CPNE4: variants seen among roughly 807,000 people sequenced by gnomAD.
The protein encoded by CPNE4 is copine 4, also known as copine-4.
Under a neutral mutation model 67.9 loss-of-function variants are expected in CPNE4, and 25 were observed. That is an observed-to-expected ratio of 0.37 (90% confidence interval 0.27 to 0.51). CPNE4 has a LOEUF of 0.51. Among genes scored for constraint, CPNE4 ranks in the 20% least tolerant of loss-of-function variants. The probability of loss-of-function intolerance (pLI) is 0.93; values close to 1 mark genes in which losing one functional copy is unlikely to be tolerated. For missense variants in CPNE4, 464 were observed against 690.8 expected (o/e 0.67, Z 3.68); for synonymous variants, 242 against 244.9 (o/e 0.99, Z 0.11).
intron 2 of CPNE4, among the ~76,000 whole-genome samples, chr3:131,806,502 A>T: frequency 6.9e-6 from 1 of 144,592 alleles, no homozygotes; most frequent in South Asian, 2.3e-4. Context: ...GTGAGCCGAG[A>T]TTGTGCCACT....
upstream of CPNE4, chr3:132,035,491 G>C (rs2074324486): frequency 6.6e-6 from 1 of 152,198 alleles, no homozygotes; most frequent in Admixed American, 6.5e-5. Flanking sequence ...AATGGACAAA[G>C]AGTATTTTCT....
chr3:131,887,361 CTCTT>C (rs1347781846), intron 2 of CPNE4, among the ~76,000 whole-genome samples: 2 of 152,156 alleles, frequency 1.3e-5, no homozygotes, highest in East Asian at 1.9e-4. Flanking sequence ...CCAATTAAAC[CTCTT>C]TCTTTTGTAA....
At chr3:131,766,171 G>T (rs1379798915) in intron 2 of CPNE4, among the ~76,000 whole-genome samples, 1 of 152,130 alleles carries the variant, frequency 6.6e-6, no homozygotes, top group East Asian at 1.9e-4. Context: ...TAGCTGTGTG[G>T]CTTTGGCCAA....
chr3:131,865,910 T>A (rs932474538), intron 2 of CPNE4, among the ~76,000 whole-genome samples: 1 of 152,180 alleles, frequency 6.6e-6, no homozygotes, highest in East Asian at 1.9e-4. Flanking sequence ...CCACTGACAC[T>A]TCTATGGGGA....
At chr3:131,995,571 C>A (rs926608902) in intron 1 of CPNE4, among the ~76,000 whole-genome samples, 1 of 152,190 alleles carries the variant, frequency 6.6e-6, no homozygotes, top group Non-Finnish European at 1.5e-5. Context: ...TGAAATGAGA[C>A]CACTCTGAAA....
At chr3:131,717,971 CT>C (rs2081776211) in intron 3 of CPNE4, among the ~76,000 whole-genome samples, 1 of 148,036 alleles carries the variant, frequency 6.8e-6, no homozygotes, top group Non-Finnish European at 1.5e-5. Flanking sequence ...TTCTTTCTCT[CT>C]CTCTGTCTCT....
intron 7 of CPNE4, among the ~76,000 whole-genome samples, chr3:131,591,226 T>C (rs973789012): frequency 2.6e-5 from 4 of 152,156 alleles, no homozygotes; most frequent in Non-Finnish European, 4.4e-5. Context: ...CTTTGCCTGA[T>C]AGTAAGTACA....
chr3:131,727,703 C>G (rs2082033599), intron 2 of CPNE4, among the ~76,000 whole-genome samples: 1 of 152,170 alleles, frequency 6.6e-6, no homozygotes, highest in Admixed American at 6.5e-5. Flanking sequence ...AGAGAGTGAG[C>G]ATATCCATGC....
chr3:131,588,978 A>G lies in CPNE4; in HGVS notation c.682-1396T>C, dbSNP rs572790337. On this transcript the variant is annotated intron_variant, in intron 7 of 15. Transcript: ENST00000429747. ...CTTAAAATCAAAATGTATATAGGCT[A>G]GCAGGTCTTCCAAGGTCTTTCATGA... 3.3e-5 allele frequency among the ~76,000 whole-genome samples: 5 copies of G among 152,318 alleles called. No homozygotes were observed. The South Asian group carries it at 1.0e-3, about 32-fold the overall frequency.
chr3:131,937,856 A>AT (rs1369467937), intron 1 of CPNE4, among the ~76,000 whole-genome samples: 1 of 152,160 alleles, frequency 6.6e-6, no homozygotes, highest in African/African-American at 2.4e-5. Context: ...AAGAAACGTA[A>AT]TATCATTTCT....
chr3:131,850,308 T>C (rs2086187537), intron 2 of CPNE4, among the ~76,000 whole-genome samples: 1 of 152,108 alleles, frequency 6.6e-6, no homozygotes, highest in African/African-American at 2.4e-5. Flanking sequence ...ATGATGTCTA[T>C]AGGAAATGAA....
At chr3:131,697,437 T>C (rs1422606918) in intron 4 of CPNE4, among the ~76,000 whole-genome samples, 2 of 152,248 alleles carry the variant, frequency 1.3e-5, no homozygotes, top group African/African-American at 4.8e-5. Context: ...TATATCAAGA[T>C]ACTGATAATT....
At chr3:131,632,207 A>G (rs1463533863) in intron 7 of CPNE4, among the ~76,000 whole-genome samples, 3 of 151,784 alleles carry the variant, frequency 2.0e-5, no homozygotes, top group Non-Finnish European at 4.4e-5. Context: ...TCGGGGTTTC[A>G]CCATGTTGGC....
Position 131,540,309 on chromosome 3 carries a change from C to T in CPNE4, c.1539+2248G>A, listed in dbSNP as rs761019914. Among the ~76,000 whole-genome samples, 140 of 152,304 alleles carry T rather than the reference C, an allele frequency of 9.2e-4. 1 individual carries two copies. The highest frequency in any genetic ancestry group is 2.2e-3 in the Admixed American group (33 of 15,300). The stretch of plus-strand genomic sequence containing the variant: ...GGCAGTACAGTTATGAACAATACCT[C>T]ATCATCCAAGGAGCCTTGGAATGTG... On this transcript the variant is annotated intron_variant, in intron 15 of 15. Transcript: ENST00000429747.
intron 7 of CPNE4, among the ~76,000 whole-genome samples, chr3:131,633,030 C>T (rs148553492): frequency 1.1e-4 from 16 of 152,182 alleles, no homozygotes; most frequent in African/African-American, 3.9e-4. Context: ...GGTCTTCTAC[C>T]CCAAACTTGA....
At chr3:131,815,671 T>C (rs1483081931) in intron 2 of CPNE4, among the ~76,000 whole-genome samples, 2 of 152,186 alleles carry the variant, frequency 1.3e-5, no homozygotes, top group African/African-American at 4.8e-5. Flanking sequence ...AAGGTGACTT[T>C]ATTCCAGAGA....
chr3:131,801,444 G>GTATA (rs1479645211), intron 2 of CPNE4, among the ~76,000 whole-genome samples: 4 of 85,042 alleles, frequency 4.7e-5, no homozygotes, highest in African/African-American at 2.0e-4. Context: ...GTGTGTGTGT[G>GTATA]TGTGTGTGTA....
chr3:131,868,935 G>T (rs1460479397), intron 2 of CPNE4, among the ~76,000 whole-genome samples: 4 of 152,136 alleles, frequency 2.6e-5, no homozygotes, highest in Non-Finnish European at 2.9e-5. Flanking sequence ...TCTCCCCAAA[G>T]TATCTAAGTA....
At chr3:131,540,583 C>T (rs1475430526) in intron 15 of CPNE4, among the ~76,000 whole-genome samples, 1 of 152,148 alleles carries the variant, frequency 6.6e-6, no homozygotes, top group Admixed American at 6.5e-5. Flanking sequence ...AGCTTTCCAC[C>T]TCTCATCTGC....
Sources: allele counts gnomAD v4.1 joint callset (sites outside exome capture counted in the v4.1 genomes callset), GRCh38; gene constraint gnomAD v4.1.1; transcripts MANE v1.5; gene names NCBI Gene and HGNC (gene_info 2026-07-23, HGNC 2026-07-21).